Variants in B4GALT5 observed in about 807,000 individuals in gnomAD.
B4GALT5 encodes UDP-Gal:beta-GlcNAc beta-1,4-galactosyltransferase 5.
B4GALT5 carries 11 observed loss-of-function variants against 45.0 expected under a neutral mutation model. The observed-to-expected ratio is 0.24, with a 90% confidence interval of 0.15 to 0.40. The LOEUF (loss-of-function observed/expected upper bound fraction) is 0.40, where lower values mean the gene tolerates loss of function less well. Among genes scored for constraint, B4GALT5 ranks in the 10% least tolerant of loss-of-function variants. The probability of loss-of-function intolerance (pLI) is 1.00; values close to 1 mark genes in which losing one functional copy is unlikely to be tolerated. For missense variants in B4GALT5, 337 were observed against 500.2 expected, an observed-to-expected ratio of 0.67 and a Z score of 3.11; for synonymous variants, 185 against 182.9, an observed-to-expected ratio of 1.01 and a Z score of -0.09.
chr20:49,678,520 G>T (rs1483400221), intron 1 of B4GALT5, among the ~76,000 whole-genome samples: 1 of 152,144 alleles, frequency 6.6e-6, no homozygotes, highest in African/African-American at 2.4e-5. Flanking sequence ...TGCTGCCTCT[G>T]AAGGACAAGC....
intron 3 of B4GALT5, among the ~76,000 whole-genome samples, chr20:49,644,040 G>A (rs1014417458): frequency 7.1e-6 from 1 of 141,762 alleles, no homozygotes; most frequent in Non-Finnish European, 1.5e-5. Context: ...CAATTCTCCT[G>A]CCTCAGCCTC....
intron 2 of B4GALT5, among the ~76,000 whole-genome samples, chr20:49,652,633 T>C (rs1398633362): frequency 6.6e-6 from 1 of 151,938 alleles, no homozygotes; most frequent in Non-Finnish European, 1.5e-5. Flanking sequence ...CACAAACCAA[T>C]GGCTTTCAGT....
At chr20:49,639,875 G>A in intron 6 of B4GALT5, 75 bp from the exon 7 acceptor site, 2 of 1,568,088 alleles carry the variant, frequency 1.3e-6, no homozygotes, top group Non-Finnish European at 1.7e-6. Context: ...TCTCATTTGA[G>A]GACTAAAAAC....
chr20:49,663,342 T>C (rs1482663472), intron 1 of B4GALT5, among the ~76,000 whole-genome samples: 1 of 152,050 alleles, frequency 6.6e-6, no homozygotes, highest in Non-Finnish European at 1.5e-5. Context: ...CAACAAAATT[T>C]ACCTTCCCCA....
At chr20:49,687,814 A>G (rs1221939864) in intron 1 of B4GALT5, among the ~76,000 whole-genome samples, 1 of 152,092 alleles carries the variant, frequency 6.6e-6, no homozygotes, top group Non-Finnish European at 1.5e-5. Flanking sequence ...GCTTCTGGCT[A>G]TGACTGAGAG....
At chr20:49,704,067 T>C (rs1228708593) in intron 1 of B4GALT5, among the ~76,000 whole-genome samples, 2 of 152,162 alleles carry the variant, frequency 1.3e-5, no homozygotes, top group African/African-American at 2.4e-5. Context: ...CAACACAGTA[T>C]TTAGGAAAAC....
rs182605336 is a variant in B4GALT5 at position 49,689,831 on chromosome 20, A to G, written c.115+23745T>C. ...TACAATCACTCCTGAAAGGTTTCCC[A>G]AGCCCCTTTCCAGTCAATCCCTACC... On this transcript the variant is annotated intron_variant, in intron 1 of 8. Transcript: ENST00000371711. 5.2e-3 allele frequency among the ~76,000 whole-genome samples: 791 copies of G among 152,294 alleles called. 36 individuals carry two copies. The highest frequency in any genetic ancestry group is 0.048 in the Admixed American group (740 of 15,304).
chr20:49,640,788 G>C, intron 5 of B4GALT5, 123 bp from the exon 6 acceptor site: 6 of 962,384 alleles, frequency 6.2e-6, no homozygotes, highest in Non-Finnish European at 8.9e-6. Flanking sequence ...GTGTAACCAG[G>C]TCCAACACCA....
intron 2 of B4GALT5, among the ~76,000 whole-genome samples, chr20:49,653,176 A>ACC (rs1361825142): frequency 1.3e-5 from 2 of 152,088 alleles, no homozygotes; most frequent in Non-Finnish European, 2.9e-5. Context: ...CAGTTGATCA[A>ACC]CCCCAATCTA....
chr20:49,695,856 A>T (rs2085837594), intron 1 of B4GALT5, among the ~76,000 whole-genome samples: 2 of 152,346 alleles, frequency 1.3e-5, no homozygotes, highest in South Asian at 4.1e-4. Context: ...AAAAGAAAAC[A>T]ACACATTGAG....
chr20:49,668,065 G>A (rs1015793499), intron 1 of B4GALT5, among the ~76,000 whole-genome samples: 9 of 152,038 alleles, frequency 5.9e-5, no homozygotes, highest in African/African-American at 1.9e-4. Context: ...GAGGAGGGGG[G>A]ACACATACAC....
At chr20:49,713,347 G>A (rs1255929012) in intron 1 of B4GALT5, among the ~76,000 whole-genome samples, 1 of 151,984 alleles carries the variant, frequency 6.6e-6, no homozygotes, top group Non-Finnish European at 1.5e-5. Flanking sequence ...GCGTTAGGAG[G>A]GGCGGGGTGG....
chr20:49,656,617 C>T lies in B4GALT5; in HGVS notation c.201G>A (p.Gln67=). ...VRTIGAQVYE[Q]VLRSAYAKRN... is the part of the protein sequence containing the mutation. ...TCTTGGCATAAGCACTCCGAAGCAC[C>T]TGCTCATAAACCTGAGCACCGATTG... The change falls in exon 2 of 9, where the codon CAG becomes CAA. Residue 67 remains glutamine, a synonymous_variant. Transcript: ENST00000371711. 6.2e-7 allele frequency: 1 copy of T among 1,614,162 alleles called. No homozygotes were observed. Among genetic ancestry groups the T allele is most frequent in the Non-Finnish European group, 8.5e-7 (1 of 1,180,024 alleles).
chr20:49,713,711 A>G lies in B4GALT5; in HGVS notation c.-21T>C. On this transcript the variant is annotated 5_prime_UTR_variant, in exon 1 of 9. Coordinates refer to ENST00000371711, the MANE Select transcript of B4GALT5 (RefSeq NM_004776.4). Reference sequence around the variant, plus strand: ...CGCATGCTGCAGCCAGGCGGCCGCTAGAGAGCCAGGCCGGGCCTGCTCCCG... The same window carrying G: ...CGCATGCTGCAGCCAGGCGGCCGCTGGAGAGCCAGGCCGGGCCTGCTCCCG... The G allele has an allele frequency of 8.0e-7, 1 of 1,245,924 alleles. No individual in the cohort carries two copies. Among genetic ancestry groups the G allele is most frequent in the African/African-American group, 1.6e-5 (1 of 62,116 alleles). 77.2% of individuals were successfully genotyped at this position (1,245,924 alleles called of 1,614,324 possible). A position where few individuals can be genotyped will look rare whatever the true frequency, so the allele number is the denominator to read the frequency against.
chr20:49,707,223 A>T (rs1185348419), intron 1 of B4GALT5, among the ~76,000 whole-genome samples: 2 of 152,166 alleles, frequency 1.3e-5, no homozygotes, highest in African/African-American at 4.8e-5. Flanking sequence ...CCACAAAGAG[A>T]ACATAAAACA....
chr20:49,644,858 CTA>C (rs1429388567), intron 3 of B4GALT5, among the ~76,000 whole-genome samples: 1 of 152,028 alleles, frequency 6.6e-6, no homozygotes, highest in African/African-American at 2.4e-5. Flanking sequence ...CCTATTTTCA[CTA>C]TATTTGTGCA....
chr20:49,703,818 A>G (rs1347289210), intron 1 of B4GALT5, among the ~76,000 whole-genome samples: 2 of 151,768 alleles, frequency 1.3e-5, no homozygotes, highest in Non-Finnish European at 2.9e-5. Context: ...GAACCCAGGA[A>G]GCAGGGGTTG....
chr20:49,665,016 C>A (rs1048889816), intron 1 of B4GALT5, among the ~76,000 whole-genome samples: 2 of 152,144 alleles, frequency 1.3e-5, no homozygotes, highest in Non-Finnish European at 2.9e-5. Context: ...GTTGCAACTG[C>A]CAGGTTAAGT....
chr20:49,697,481 T>C (rs2085844144), intron 1 of B4GALT5, among the ~76,000 whole-genome samples: 1 of 152,212 alleles, frequency 6.6e-6, no homozygotes, highest in Admixed American at 6.5e-5. Flanking sequence ...ACCAGTTCAC[T>C]GGAGCTGCTA....
Sources: gnomAD v4.1 joint callset for allele counts (sites outside exome capture counted in the v4.1 genomes callset) on GRCh38, gnomAD v4.1.1 for gene constraint, MANE v1.5 for transcripts, NCBI Gene and HGNC (gene_info 2026-07-23, HGNC 2026-07-21) for gene names.